Variants in STAG1 observed in about 807,000 individuals in gnomAD.
STAG1 encodes the protein STAG1 cohesin complex component, also known as cohesin subunit SA-1.
In STAG1, 26 loss-of-function variants were observed where a neutral mutation model predicts 170.9. The ratio of observed to expected loss-of-function variants is 0.15; its 90% confidence interval spans 0.11 to 0.21. STAG1 has a LOEUF of 0.21. STAG1 is among the 10% of genes least tolerant of loss of function. STAG1 has a pLI of 1.00. For missense variants in STAG1, 964 were observed against 1,509.5 expected, an observed-to-expected ratio of 0.64 and a Z score of 5.99; for synonymous variants, 514 against 497.7, an observed-to-expected ratio of 1.03 and a Z score of -0.44.
chr3:136,477,914 C>A (rs1486578525), intron 9 of STAG1, among the ~76,000 whole-genome samples: 1 of 152,076 alleles, frequency 6.6e-6, no homozygotes, highest in Non-Finnish European at 1.5e-5. Flanking sequence ...CTCAGCCACC[C>A]AAGTAGCTGA....
At chr3:136,682,699 A>C (rs553397925) in intron 1 of STAG1, among the ~76,000 whole-genome samples, 1 of 152,242 alleles carries the variant, frequency 6.6e-6, no homozygotes, top group South Asian at 2.1e-4. Flanking sequence ...AGACTTAAAC[A>C]CTGAAAACTA....
chr3:136,714,982 A>G (rs1166872473), intron 1 of STAG1, among the ~76,000 whole-genome samples: 1 of 108,214 alleles, frequency 9.2e-6, no homozygotes, highest in Admixed American at 1.1e-4. Context: ...ATATATTTTT[A>G]TATATATATT....
At chr3:136,653,272 CAAA>C (rs113426775) in intron 1 of STAG1, among the ~76,000 whole-genome samples, 1 of 114,268 alleles carries the variant, frequency 8.8e-6, no homozygotes. Flanking sequence ...AACTCCATCT[CAAA>C]AAAAAAAAAG....
intron 4 of STAG1, among the ~76,000 whole-genome samples, chr3:136,601,810 T>C (rs1938689843): frequency 6.6e-6 from 1 of 151,846 alleles, no homozygotes; most frequent in South Asian, 2.1e-4. Flanking sequence ...TACTTCAGCC[T>C]GGCTAATAGA....
intron 4 of STAG1, among the ~76,000 whole-genome samples, chr3:136,573,831 C>T (rs371984696): frequency 1.3e-5 from 2 of 151,718 alleles, no homozygotes; most frequent in South Asian, 4.2e-4. Flanking sequence ...ATTAGCGGGG[C>T]GTGGTGGTGG....
In STAG1 at chr3:136,359,301, TAGAA is replaced by T. The variant is rs779253475; in HGVS notation, c.2788-9_2788-6del. 2.3e-5 allele frequency: 35 copies of T among 1,549,046 alleles called. No homozygotes were observed. The highest frequency in any genetic ancestry group is 2.1e-4 in the Admixed American group (10 of 48,356). The stretch of plus-strand genomic sequence containing the variant: ...TTGAACAAGTTCATTAAATAACTGA[TAGAA>T]AGAAAAAAAGAAGAAAAAACCTATA... On this transcript the variant is annotated splice_polypyrimidine_tract_variant and splice_region_variant and intron_variant, in intron 26 of 33. Coordinates refer to ENST00000383202, the MANE Select transcript of STAG1 (RefSeq NM_005862.3).
intron 1 of STAG1, among the ~76,000 whole-genome samples, chr3:136,654,336 T>C (rs1011682428): frequency 1.3e-5 from 2 of 152,206 alleles, no homozygotes; most frequent in African/African-American, 4.8e-5. Context: ...GTTGCATTTC[T>C]ATACACTAAC....
At chr3:136,529,167 C>T (rs1935233696) in intron 6 of STAG1, among the ~76,000 whole-genome samples, 1 of 152,036 alleles carries the variant, frequency 6.6e-6, no homozygotes, top group African/African-American at 2.4e-5. Context: ...TGAAATACCA[C>T]AGAGCACCCA....
At chr3:136,405,713 GGGTGT>G (rs1278502848) in intron 21 of STAG1, among the ~76,000 whole-genome samples, 1 of 146,790 alleles carries the variant, frequency 6.8e-6, no homozygotes, top group Admixed American at 7.1e-5. Flanking sequence ...AAAATTAGCT[GGGTGT>G]GGTGGCAGGT....
chr3:136,666,680 C>T (rs1941791154), intron 1 of STAG1, among the ~76,000 whole-genome samples: 1 of 151,976 alleles, frequency 6.6e-6, no homozygotes, highest in Non-Finnish European at 1.5e-5. Context: ...ATTAGCAAGG[C>T]ATGGTGGTGG....
chr3:136,604,279 T>G (rs1245796034), intron 4 of STAG1, 30 bp downstream of exon 4: 13 of 1,595,802 alleles, frequency 8.1e-6, no homozygotes, highest in Non-Finnish European at 1.0e-5. Flanking sequence ...CTGTATTGCT[T>G]TATACGTGAA....
chr3:136,383,215 CAAA>C (rs1938073134), intron 22 of STAG1, among the ~76,000 whole-genome samples: 1 of 152,146 alleles, frequency 6.6e-6, no homozygotes, highest in South Asian at 2.1e-4. Context: ...AGTAAGAAAA[CAAA>C]GAAGTCTCAT....
At chr3:136,703,154 T>G (rs563696657) in intron 1 of STAG1, among the ~76,000 whole-genome samples, 4 of 151,384 alleles carry the variant, frequency 2.6e-5, no homozygotes, top group African/African-American at 9.7e-5. Flanking sequence ...GTTCTTCCAC[T>G]GAAACAATTA....
chr3:136,604,570 A>G (rs1172247985), intron 3 of STAG1, 97 bp from the exon 4 acceptor site: 1 of 1,087,648 alleles, frequency 9.2e-7, no homozygotes, highest in Non-Finnish European at 1.2e-6. Flanking sequence ...CCTAACCAAA[A>G]GAAACTTTAA....
intron 23 of STAG1, among the ~76,000 whole-genome samples, chr3:136,371,714 T>C (rs1937348628): frequency 6.6e-6 from 1 of 152,174 alleles, no homozygotes; most frequent in Non-Finnish European, 1.5e-5. Context: ...CATTGGTCTA[T>C]ATCTCTGTTT....
chr3:136,632,860 A>G (rs566871903), intron 1 of STAG1, among the ~76,000 whole-genome samples: 110 of 152,280 alleles, frequency 7.2e-4, no homozygotes, highest in Non-Finnish European at 1.3e-3. Context: ...ATACTTCCGC[A>G]AAGAACCTAT....
At chr3:136,527,031 TC>T (rs763730168) in intron 6 of STAG1, among the ~76,000 whole-genome samples, 9 of 152,224 alleles carry the variant, frequency 5.9e-5, no homozygotes, top group Non-Finnish European at 8.8e-5. Context: ...TAACATTTTT[TC>T]CTTCATTTCA....
chr3:136,584,008 A>G (rs998886535), intron 4 of STAG1, among the ~76,000 whole-genome samples: 6 of 152,182 alleles, frequency 3.9e-5, no homozygotes, highest in African/African-American at 1.4e-4. Context: ...AAACAAAACA[A>G]AACACCAGCT....
intron 1 of STAG1, among the ~76,000 whole-genome samples, chr3:136,713,968 G>A (rs1943453705): frequency 6.6e-6 from 1 of 152,020 alleles, no homozygotes; most frequent in Non-Finnish European, 1.5e-5. Flanking sequence ...AGGTTGCAGT[G>A]AGCCAAGATC....
Sources: allele counts gnomAD v4.1 joint callset (sites outside exome capture counted in the v4.1 genomes callset), GRCh38; gene constraint gnomAD v4.1.1; transcripts MANE v1.5; gene names NCBI Gene and HGNC (gene_info 2026-07-23, HGNC 2026-07-21).